Variants in TMOD1 observed in about 807,000 individuals in gnomAD.
TMOD1 encodes tropomodulin-1.
In TMOD1, 17 loss-of-function variants were observed where a neutral mutation model predicts 40.6. That is an observed-to-expected ratio of 0.42 (90% CI 0.29 to 0.63). The LOEUF (loss-of-function observed/expected upper bound fraction) is 0.63, where lower values mean the gene tolerates loss of function less well. Among genes scored for constraint, TMOD1 ranks in the 20% least tolerant of loss-of-function variants. The pLI is 0.22. For missense variants in TMOD1, 391 were observed against 447.6 expected, an observed-to-expected ratio of 0.87 and a Z score of 1.14; for synonymous variants, 181 against 175.0, an observed-to-expected ratio of 1.03 and a Z score of -0.27.
rs1354144453 is a variant in TMOD1, at chr9:97,565,763, A to G, written c.619-85A>G. The G allele has an allele frequency of 5.5e-6, 6 of 1,083,010 alleles. No individual in the cohort carries two copies. In the Admixed American group the frequency reaches 9.8e-5, roughly 18 times the overall value. The allele number at this position is 1,083,010 out of a possible 1,614,324, so 67.1% of individuals were successfully genotyped here. A position where few individuals can be genotyped will look rare whatever the true frequency, so the allele number is the denominator to read the frequency against. ...TTTGGCCAGAGACTTGCCAGGAATC[A>G]GAGAGTAGCCAGGCTAATCCACCTG... is the stretch of plus-strand genomic sequence containing the variant. On this transcript the variant is annotated intron_variant, in intron 6 of 9. Transcript: ENST00000259365.
chr9:97,537,734 A>G (rs1830206514), intron 2 of TMOD1, among the ~76,000 whole-genome samples: 1 of 152,156 alleles, frequency 6.6e-6, no homozygotes, highest in Non-Finnish European at 1.5e-5. Context: ...AACAAATTAA[A>G]CTTTGTATTT....
intron 4 of TMOD1, 119 bp downstream of exon 4, chr9:97,553,519 G>C: frequency 1.4e-6 from 2 of 1,404,094 alleles, no homozygotes; most frequent in Non-Finnish European, 2.0e-6. Flanking sequence ...AAGAACTAGA[G>C]GAGACCGAGA....
intron 1 of TMOD1, among the ~76,000 whole-genome samples, chr9:97,509,745 T>A (rs1477618426): frequency 1.3e-5 from 2 of 152,102 alleles, no homozygotes; most frequent in Admixed American, 1.3e-4. Context: ...CAATGTAACT[T>A]CTCTTCTGTG....
intron 3 of TMOD1, among the ~76,000 whole-genome samples, chr9:97,549,723 C>T (rs982136511): frequency 6.6e-6 from 1 of 152,122 alleles, no homozygotes; most frequent in African/African-American, 2.4e-5. Context: ...GCACTGATCC[C>T]ATTTTAGGGA....
chr9:97,551,014 A>ATTTTTTTTTTTT (rs55700746), intron 3 of TMOD1, among the ~76,000 whole-genome samples: 1 of 104,258 alleles, frequency 9.6e-6, no homozygotes, highest in Admixed American at 1.1e-4. Flanking sequence ...ATATATATAT[A>ATTTTTTTTTTTT]TTTTTTTTTT....
chr9:97,541,105 T>C (rs1032792274), intron 2 of TMOD1, among the ~76,000 whole-genome samples: 17 of 152,208 alleles, frequency 1.1e-4, no homozygotes. Context: ...GTATTGAGCA[T>C]TTTTTCATGA....
intron 2 of TMOD1, among the ~76,000 whole-genome samples, chr9:97,532,431 T>C (rs1230253008): frequency 6.6e-6 from 1 of 152,124 alleles, no homozygotes; most frequent in Non-Finnish European, 1.5e-5. Flanking sequence ...TTTTAGACTC[T>C]TTCACCTTCA....
In TMOD1 at chr9:97,553,337, C is replaced by T; in HGVS notation, c.334C>T (p.Leu112=). ...PLDPVLESVT[L]EPELEEALAN... ...GGATCCTGTGCTGGAAAGTGTGACG[C>T]TGGAACCGGAGCTGGAGGAAGCCTT... Residue 112 remains leucine (L), a synonymous_variant, in exon 4 of 10, where the codon CTG becomes TTG. Transcript: ENST00000259365. 1 of 1,614,230 alleles carries T rather than the reference C, an allele frequency of 6.2e-7. No individual in the cohort carries two copies. Among genetic ancestry groups the T allele is most frequent in the Non-Finnish European group, 8.5e-7 (1 of 1,180,048 alleles).
chr9:97,540,759 G>A (rs1002225940), intron 2 of TMOD1, among the ~76,000 whole-genome samples: 3 of 151,916 alleles, frequency 2.0e-5, no homozygotes, highest in Non-Finnish European at 4.4e-5. Context: ...TACCACATTT[G>A]TCTTATCCAT....
chr9:97,560,065 C>T (rs922554657), intron 4 of TMOD1, among the ~76,000 whole-genome samples: 4 of 151,672 alleles, frequency 2.6e-5, no homozygotes, highest in Non-Finnish European at 5.9e-5. Flanking sequence ...ACTTGGGTTT[C>T]CTGACTCTTC....
At chr9:97,571,089 A>T (rs933358650) in intron 8 of TMOD1, among the ~76,000 whole-genome samples, 1 of 152,112 alleles carries the variant, frequency 6.6e-6, no homozygotes, top group Admixed American at 6.5e-5. Context: ...AGATGGAACA[A>T]AGGCATGCAG....
chr9:97,520,407 T>C (rs148514405), intron 1 of TMOD1, among the ~76,000 whole-genome samples: 13 of 152,250 alleles, frequency 8.5e-5, no homozygotes, highest in African/African-American at 2.9e-4. Context: ...GAGTTTGCAG[T>C]GGGCTCTCTG....
chr9:97,524,497 G>GGGGTGTGTGTGTGT (rs561183211), intron 2 of TMOD1, among the ~76,000 whole-genome samples, 189 bp downstream of exon 2: 20 of 143,028 alleles, frequency 1.4e-4, no homozygotes, highest in East Asian at 4.1e-4. Flanking sequence ...GAACCAATAG[G>GGGGTGTGTGTGTGT]GTGTGTGTGT....
At chr9:97,577,381 C>G (rs546618045) in intron 8 of TMOD1, among the ~76,000 whole-genome samples, 1 of 152,182 alleles carries the variant, frequency 6.6e-6, no homozygotes. Flanking sequence ...GAAACCAGCA[C>G]AGACTCTAGA....
chr9:97,508,630 G>A (rs1829641489), intron 1 of TMOD1, among the ~76,000 whole-genome samples: 1 of 152,190 alleles, frequency 6.6e-6, no homozygotes, highest in South Asian at 2.1e-4. Context: ...TGGGAAGGTG[G>A]CAGCATGGAG....
At chr9:97,504,176 C>A (rs1014101807) in intron 1 of TMOD1, among the ~76,000 whole-genome samples, 1 of 152,132 alleles carries the variant, frequency 6.6e-6, no homozygotes, top group Non-Finnish European at 1.5e-5. Context: ...AACAATAGCC[C>A]CATTTCATAG....
chr9:97,508,469 T>C (rs1459937266), intron 1 of TMOD1, among the ~76,000 whole-genome samples: 6 of 152,150 alleles, frequency 3.9e-5, no homozygotes, highest in Non-Finnish European at 7.4e-5. Flanking sequence ...GAATTACAGG[T>C]GCGAGCCACC....
In TMOD1 at chr9:97,515,345, T is replaced by C. The variant is rs138828806; in HGVS notation, c.-48-8796T>C. On this transcript the variant is annotated intron_variant, in intron 1 of 9. Transcript: ENST00000259365. ...TCCAGGCTGGAGTGCAATGGCATGA[T>C]CTTGGCTCACTGCAACTCCTGCCTC... Among the ~76,000 whole-genome samples the C allele has an allele frequency of 2.7e-3, 406 of 152,300 alleles. 9 individuals are homozygous for C. In the East Asian group the frequency reaches 0.053, roughly 20 times the overall value.
intron 8 of TMOD1, among the ~76,000 whole-genome samples, chr9:97,581,998 T>G (rs2131283003): frequency 6.6e-6 from 1 of 150,810 alleles, no homozygotes; most frequent in Non-Finnish European, 1.5e-5. Flanking sequence ...CTCTTTAGTT[T>G]AATTAGATCC....
Sources: allele counts gnomAD v4.1 joint callset (sites outside exome capture counted in the v4.1 genomes callset), GRCh38; gene constraint gnomAD v4.1.1; transcripts MANE v1.5; gene names NCBI Gene and HGNC (gene_info 2026-07-23, HGNC 2026-07-21).